The following LPAR1 variants were observed in gnomAD, a reference collection of about 807,000 sequenced individuals.
The protein encoded by LPAR1 is lysophosphatidic acid receptor 1.
LPAR1 carries 5 observed loss-of-function variants against 23.8 expected under a neutral mutation model. The observed-to-expected ratio is 0.21, with a 90% CI of 0.11 to 0.44. LPAR1 has a LOEUF of 0.44. Among genes scored for constraint, LPAR1 ranks in the 20% least tolerant of loss-of-function variants. The pLI, the probability that LPAR1 is intolerant of heterozygous loss-of-function variation, is 0.99. For missense variants in LPAR1, 311 were observed against 482.8 expected (o/e 0.64, Z 3.33); for synonymous variants, 160 against 164.7 (o/e 0.97, Z 0.22).
chr9:111,012,751 T>C (rs1437018860), intron 2 of LPAR1, among the ~76,000 whole-genome samples: 1 of 152,058 alleles, frequency 6.6e-6, no homozygotes, highest in Non-Finnish European at 1.5e-5. Context: ...CCTTTGAGGT[T>C]GGTGGTAAAA....
intron 2 of LPAR1, among the ~76,000 whole-genome samples, chr9:110,981,591 G>A (rs9792605): frequency 0.27 from 28,868 of 106,930 alleles, 3,581 homozygotes; most frequent in African/African-American, 0.46. Flanking sequence ...ATTTTTTAAG[G>A]AAATAAAAAA....
intron 5 of LPAR1, among the ~76,000 whole-genome samples, chr9:110,886,420 G>GAAAAA (rs5899920): frequency 2.6e-5 from 3 of 117,168 alleles, no homozygotes; most frequent in Non-Finnish European, 3.3e-5. Flanking sequence ...ATAACCAAAG[G>GAAAAA]AAAAAAAAAA....
chr9:110,984,582 G>C (rs867079753), intron 2 of LPAR1, among the ~76,000 whole-genome samples: 4 of 151,714 alleles, frequency 2.6e-5, no homozygotes, highest in Admixed American at 6.6e-5. Context: ...CTTTCTTTTG[G>C]GTATATACTT....
chr9:110,911,458 C>T (rs925086994), intron 5 of LPAR1, among the ~76,000 whole-genome samples: 2 of 152,160 alleles, frequency 1.3e-5, no homozygotes, highest in African/African-American at 2.4e-5. Context: ...GGGAGGATTG[C>T]TTCAGCCTGG....
chr9:110,931,108 T>G (rs2094387491), intron 5 of LPAR1, among the ~76,000 whole-genome samples: 1 of 152,176 alleles, frequency 6.6e-6, no homozygotes, highest in Admixed American at 6.5e-5. Flanking sequence ...AATTGAATAT[T>G]TCATTCAATT....
intron 5 of LPAR1, among the ~76,000 whole-genome samples, chr9:110,892,439 G>A (rs982383484): frequency 2.0e-5 from 3 of 152,144 alleles, no homozygotes; most frequent in Non-Finnish European, 2.9e-5. Context: ...GCCGAGGCAG[G>A]TGGATCACGA....
intron 2 of LPAR1, among the ~76,000 whole-genome samples, chr9:111,009,574 T>C (rs1299001013): frequency 4.6e-5 from 7 of 152,116 alleles, no homozygotes; most frequent in Admixed American, 1.3e-4. Context: ...TATGTTTGAG[T>C]GGAAATATTT....
At chr9:110,922,824 A>ATTATAT (rs1554786500) in intron 5 of LPAR1, among the ~76,000 whole-genome samples, 6 of 142,242 alleles carry the variant, frequency 4.2e-5, no homozygotes, top group Non-Finnish European at 7.6e-5. Context: ...TCTTATTATT[A>ATTATAT]TATTATTATT....
In LPAR1 at chr9:110,915,550, A is replaced by G. The variant is rs555291987; in HGVS notation, c.793+25871T>C. On this transcript the variant is annotated intron_variant, in intron 5 of 5. Transcript: ENST00000683809. Reference sequence around the variant, plus strand: ...GACAGAGTGAGACTCTGTCTCTCAAAAAAGAGAATATACAACAAAAAAGTA... The same window carrying G: ...GACAGAGTGAGACTCTGTCTCTCAAGAAAGAGAATATACAACAAAAAAGTA... Among the ~76,000 whole-genome samples, 4 of 152,302 alleles carry G rather than the reference A, an allele frequency of 2.6e-5. No individual in the cohort carries two copies. The South Asian group carries it at 6.2e-4, about 24-fold the overall frequency.
At chr9:110,890,859 A>C (rs894115922) in intron 5 of LPAR1, among the ~76,000 whole-genome samples, 9 of 152,246 alleles carry the variant, frequency 5.9e-5, no homozygotes, top group African/African-American at 1.4e-4. Flanking sequence ...TTCAACATTT[A>C]CTTTTTTAAA....
At chr9:111,009,998 A>AT (rs2097298345) in intron 2 of LPAR1, among the ~76,000 whole-genome samples, 3 of 123,432 alleles carry the variant, frequency 2.4e-5, no homozygotes, top group South Asian at 3.0e-4. Flanking sequence ...TAATTAGGAA[A>AT]ATATATATAT....
At chr9:110,996,617 T>C (rs548384305) in intron 2 of LPAR1, among the ~76,000 whole-genome samples, 1 of 152,222 alleles carries the variant, frequency 6.6e-6, no homozygotes, top group East Asian at 1.9e-4. Context: ...ACAGCGACTG[T>C]TGTTTTAAGC....
At chr9:110,937,088 G>A (rs533397810) in intron 5 of LPAR1, among the ~76,000 whole-genome samples, 5 of 152,290 alleles carry the variant, frequency 3.3e-5, no homozygotes, top group African/African-American at 1.2e-4. Flanking sequence ...TCAATCAGAA[G>A]CCATCAGTTA....
intron 2 of LPAR1, among the ~76,000 whole-genome samples, chr9:111,023,114 C>A (rs2097595951): frequency 7.0e-6 from 1 of 143,360 alleles, no homozygotes. Context: ...TGCTCTAATA[C>A]AAAACTACTT....
chr9:110,945,917 T>A (rs1303285741), intron 4 of LPAR1, among the ~76,000 whole-genome samples: 1 of 152,126 alleles, frequency 6.6e-6, no homozygotes, highest in Non-Finnish European at 1.5e-5. Flanking sequence ...CACCCAAAAA[T>A]CTAGGAGAAA....
chr9:111,026,109 T>C (rs1004716907), intron 2 of LPAR1, among the ~76,000 whole-genome samples: 1 of 152,236 alleles, frequency 6.6e-6, no homozygotes, highest in Non-Finnish European at 1.5e-5. Flanking sequence ...ATCTATAAAC[T>C]ACTTTGGGCA....
chr9:111,033,281 T>C (rs1357639100), intron 2 of LPAR1, among the ~76,000 whole-genome samples: 2 of 152,122 alleles, frequency 1.3e-5, no homozygotes, highest in Non-Finnish European at 2.9e-5. Flanking sequence ...CAACACTACT[T>C]TGAAATCATA....
At chr9:110,927,667 A>T (rs1358295283) in intron 5 of LPAR1, among the ~76,000 whole-genome samples, 2 of 152,256 alleles carry the variant, frequency 1.3e-5, no homozygotes, top group Non-Finnish European at 2.9e-5. Context: ...AATGAATCAA[A>T]TCTTTTTTAT....
rs115870227 is a variant in LPAR1 at position 110,947,748 on chromosome 9, A to T, written c.46-5580T>A. Among the ~76,000 whole-genome samples the T allele has an allele frequency of 7.0e-3, 1,070 of 152,390 alleles. 15 individuals carry two copies. The highest frequency in any genetic ancestry group is 0.024 in the African/African-American group (1,017 of 41,596). On this transcript the variant is annotated intron_variant, in intron 4 of 5. Coordinates refer to ENST00000683809, the MANE Select transcript of LPAR1 (RefSeq NM_001351411.2). ...CTGATGTGTTCTTCCATCTCTTGAA[A>T]GACAATTACATACTCATTGGCCAAG...
Sources: gnomAD v4.1 joint callset for allele counts (sites outside exome capture counted in the v4.1 genomes callset) on GRCh38, gnomAD v4.1.1 for gene constraint, MANE v1.5 for transcripts, NCBI Gene and HGNC (gene_info 2026-07-23, HGNC 2026-07-21) for gene names.